The following ADGRA3 variants were observed in gnomAD, a reference collection of about 807,000 sequenced individuals.
ADGRA3 encodes the protein G-protein coupled receptor 125.
Under a neutral mutation model 119.8 loss-of-function variants are expected in ADGRA3, and 56 were observed. That is an observed-to-expected ratio of 0.47 (90% CI 0.38 to 0.58). The LOEUF (loss-of-function observed/expected upper bound fraction) is 0.58. ADGRA3 is among the 20% of genes least tolerant of loss of function. The pLI is 0.00. For missense variants in ADGRA3, 1,516 were observed against 1,649.0 expected, an observed-to-expected ratio of 0.92 and a Z score of 1.40; for synonymous variants, 607 against 623.8, an observed-to-expected ratio of 0.97 and a Z score of 0.40.
intron 5 of ADGRA3, among the ~76,000 whole-genome samples, chr4:22,445,660 TC>T (rs1388517312): frequency 6.6e-6 from 1 of 152,204 alleles, no homozygotes; most frequent in Non-Finnish European, 1.5e-5. Flanking sequence ...ACTGTGAACT[TC>T]CCTAGGGTAG....
rs201651718 is a variant in ADGRA3, at chr4:22,391,588, G to GAAC, written c.2627+956_2627+957insGTT. Among the ~76,000 whole-genome samples the GAAC allele has an allele frequency of 7.8e-3, 1,191 of 152,084 alleles. 14 individuals carry two copies. The highest frequency in any genetic ancestry group is 0.027 in the African/African-American group (1,133 of 41,472). ...CCTCAGCAGAATTCCTTGTTCTTAGGAATTCTGATTTATACTCCATACTAG... is the reference window on the plus strand; with the variant it reads ...CCTCAGCAGAATTCCTTGTTCTTAGGAACAATTCTGATTTATACTCCATACTAG... On this transcript the variant is annotated intron_variant, in intron 17 of 18. Transcript: ENST00000334304.
At chr4:22,502,362 C>T (rs1377507180) in intron 1 of ADGRA3, among the ~76,000 whole-genome samples, 3 of 152,084 alleles carry the variant, frequency 2.0e-5, no homozygotes, top group African/African-American at 4.8e-5. Context: ...CAGAAGATGG[C>T]GGTATATAGG....
At chr4:22,410,051 G>C (rs1042495274) in intron 14 of ADGRA3, among the ~76,000 whole-genome samples, 3 of 151,964 alleles carry the variant, frequency 2.0e-5, no homozygotes, top group African/African-American at 7.2e-5. Context: ...AAGTTGCTTT[G>C]AATACCATTT....
At chr4:22,393,287 A>G (rs1222059033) in intron 16 of ADGRA3, 2 of 152,362 alleles carry the variant, frequency 1.3e-5, no homozygotes, top group Non-Finnish European at 2.9e-5. Flanking sequence ...TCAGCCTCCA[A>G]AAGTGCTGGG....
At chr4:22,433,658 A>G (rs1299543704) in intron 10 of ADGRA3, among the ~76,000 whole-genome samples, 1 of 152,182 alleles carries the variant, frequency 6.6e-6, no homozygotes, top group Non-Finnish European at 1.5e-5. Context: ...CATCATAAAC[A>G]TGTATTCTTC....
chr4:22,392,525 A>G lies in ADGRA3; in HGVS notation c.2627+20T>C. The G allele has an allele frequency of 6.2e-7, 1 of 1,609,582 alleles. No homozygotes were observed. The highest frequency in any genetic ancestry group is 8.5e-7 in the Non-Finnish European group (1 of 1,178,460). ...AATGAAAGCAAACAAAACAATTAAT[A>G]CAACAAAGATATGAGATACCTGAGC... On this transcript the variant is annotated intron_variant, in intron 17 of 18. Coordinates refer to ENST00000334304, the MANE Select transcript of ADGRA3 (RefSeq NM_145290.4).
At chr4:22,457,217 A>G (rs1448327840) in intron 3 of ADGRA3, among the ~76,000 whole-genome samples, 1 of 152,194 alleles carries the variant, frequency 6.6e-6, no homozygotes, top group African/African-American at 2.4e-5. Flanking sequence ...TCTAGGGTTC[A>G]CCTACTTCTG....
intron 1 of ADGRA3, among the ~76,000 whole-genome samples, chr4:22,498,171 G>T (rs61793406): frequency 1.3e-5 from 2 of 151,842 alleles, no homozygotes. Context: ...CTTGAACCCA[G>T]AAGGCAGAGG....
intron 6 of ADGRA3, 146 bp downstream of exon 6, chr4:22,444,827 A>T: frequency 1.3e-6 from 1 of 795,882 alleles, no homozygotes. Context: ...TCGTTGGCAT[A>T]AACTAAATAT....
At chr4:22,473,497 G>C (rs545026137) in intron 2 of ADGRA3, among the ~76,000 whole-genome samples, 231 of 152,248 alleles carry the variant, frequency 1.5e-3, no homozygotes, top group Non-Finnish European at 2.7e-3. Context: ...ATACTCATTG[G>C]CTTATTATCT....
chr4:22,494,949 G>A lies in ADGRA3; in HGVS notation c.257+20579C>T, dbSNP rs78928325. Reference sequence around the variant, plus strand: ...AACTCTACATACACTGCTTTTTCCTGTATATGCATACCTATAATAAAGTTT... The same window carrying A: ...AACTCTACATACACTGCTTTTTCCTATATATGCATACCTATAATAAAGTTT... On this transcript the variant is annotated intron_variant, in intron 1 of 18. Coordinates refer to ENST00000334304, the MANE Select transcript of ADGRA3 (RefSeq NM_145290.4). 4.9e-3 allele frequency among the ~76,000 whole-genome samples: 748 copies of A among 151,978 alleles called. 18 individuals carry two copies. The highest frequency in any genetic ancestry group is 0.017 in the African/African-American group (707 of 41,304).
intron 10 of ADGRA3, among the ~76,000 whole-genome samples, chr4:22,426,026 T>G (rs193229554): frequency 1.3e-5 from 2 of 152,194 alleles, no homozygotes; most frequent in Non-Finnish European, 2.9e-5. Context: ...GGAGATTAAG[T>G]TCCAATAATA....
At chr4:22,476,668 T>G (rs1162648060) in intron 1 of ADGRA3, among the ~76,000 whole-genome samples, 1 of 149,754 alleles carries the variant, frequency 6.7e-6, no homozygotes, top group Non-Finnish European at 1.5e-5. Flanking sequence ...TTTTCTGTTT[T>G]GGGTTTTTTT....
At chr4:22,464,564 A>C (rs774885446) in intron 2 of ADGRA3, among the ~76,000 whole-genome samples, 3 of 152,206 alleles carry the variant, frequency 2.0e-5, no homozygotes, top group Non-Finnish European at 4.4e-5. Context: ...TGGCCCCAGC[A>C]TCCCTTATCT....
intron 16 of ADGRA3, among the ~76,000 whole-genome samples, chr4:22,395,219 ATAAT>A (rs1398522080): frequency 6.6e-6 from 1 of 152,200 alleles, no homozygotes; most frequent in East Asian, 1.9e-4. Flanking sequence ...TGGGTATAAA[ATAAT>A]TATCCTAAAA....
In ADGRA3 at chr4:22,515,905, A is replaced by G. The variant is rs1307432779; in HGVS notation, c.-121T>C. 3 of 597,868 alleles carry G rather than the reference A, an allele frequency of 5.0e-6. No individual in the cohort carries two copies. In the African/African-American group the frequency reaches 6.1e-5, roughly 12 times the overall value. The allele number at this position is 597,868 out of a possible 1,614,324, so 37.0% of individuals were successfully genotyped here. On this transcript the variant is annotated 5_prime_UTR_variant, in exon 1 of 19. Coordinates refer to ENST00000334304, the MANE Select transcript of ADGRA3 (RefSeq NM_145290.4). ...GCGACCGGAGCCTTATGGCGGCCGG[A>G]GGACGGGCCTTCCCCGGCGCGGACA...
chr4:22,474,009 A>C (rs948542581), intron 1 of ADGRA3, among the ~76,000 whole-genome samples, 166 bp from the exon 2 acceptor site: 1 of 152,194 alleles, frequency 6.6e-6, no homozygotes. Flanking sequence ...TCTCTGAGAA[A>C]CCAACTATTT....
rs150888668 is a variant in ADGRA3 at position 22,442,844 on chromosome 4, C to A, written c.726G>T (p.Pro242=). 3 of 1,612,430 alleles carry A rather than the reference C, an allele frequency of 1.9e-6. No homozygotes were observed. Among genetic ancestry groups the A allele is most frequent in the African/African-American group, 1.3e-5 (1 of 74,850 alleles). ...LLTCDPPLEL[P]SFYMTPSHRQ... ...GATGAGATGGAGTCATGTAGAAAGACGGCAATTCAAGCGGAGGGTCTAGAG... is the reference window on the plus strand; with the variant it reads ...GATGAGATGGAGTCATGTAGAAAGAAGGCAATTCAAGCGGAGGGTCTAGAG... Residue 242 remains proline, a synonymous_variant, in exon 7 of 19, where the codon CCG becomes CCT. Coordinates refer to ENST00000334304, the MANE Select transcript of ADGRA3 (RefSeq NM_145290.4).
chr4:22,402,792 G>A lies in ADGRA3; in HGVS notation c.2240C>T (p.Thr747Met), dbSNP rs767983432. 2.4e-5 allele frequency: 39 copies of A among 1,608,710 alleles called. No homozygotes were observed. Among genetic ancestry groups the A allele is most frequent in the Admixed American group, 1.5e-4 (9 of 58,684 alleles). ...CGCCTGGGTGTATAGTTCAGATCCC[G>A]TCAAATCCTGAGGGCAAAAAGAAAG... Reference protein sequence around the residue: ...LSNYAVLMDLTGSELYTQAAS... With the variant: ...LSNYAVLMDLMGSELYTQAAS... The change falls in exon 15 of 19, where the codon ACG becomes ATG. Residue 747 changes from threonine to methionine, a missense_variant. Physicochemically the swap from Thr to Met is moderately conservative, Grantham distance 81. Coordinates refer to ENST00000334304, the MANE Select transcript of ADGRA3 (RefSeq NM_145290.4).
Sources: allele counts gnomAD v4.1 joint callset (sites outside exome capture counted in the v4.1 genomes callset), GRCh38; gene constraint gnomAD v4.1.1; transcripts MANE v1.5; gene names NCBI Gene and HGNC (gene_info 2026-07-23, HGNC 2026-07-21).